Variants in EMC8 observed in about 807,000 individuals in gnomAD.
EMC8 encodes ER membrane protein complex subunit 8, also known as COX4 neighbor.
Under a neutral mutation model 24.3 loss-of-function variants are expected in EMC8, and 11 were observed. The ratio of observed to expected loss-of-function variants is 0.45; its 90% CI spans 0.28 to 0.75. The LOEUF (loss-of-function observed/expected upper bound fraction) is 0.75. EMC8 is among the 30% of genes least tolerant of loss of function. The probability of loss-of-function intolerance (pLI) is 0.12; values close to 1 mark genes in which losing one functional copy is unlikely to be tolerated. For missense variants in EMC8, 277 were observed against 282.7 expected, an observed-to-expected ratio of 0.98 and a Z score of 0.14; for synonymous variants, 145 against 117.7, an observed-to-expected ratio of 1.23 and a Z score of -1.50.
At chr16:85,791,805 C>T (rs891111709) in intron 1 of EMC8, among the ~76,000 whole-genome samples, 1 of 152,176 alleles carries the variant, frequency 6.6e-6, no homozygotes, top group Non-Finnish European at 1.5e-5. Context: ...GACCTTCCTG[C>T]CTCCCCTTTA....
At chr16:85,790,485 A>G (rs1380127592) in intron 1 of EMC8, among the ~76,000 whole-genome samples, 1 of 152,212 alleles carries the variant, frequency 6.6e-6, no homozygotes, top group Admixed American at 6.5e-5. Flanking sequence ...AACAACTCCA[A>G]AACGACTCAT....
intron 1 of EMC8, 107 bp downstream of exon 1, chr16:85,798,958 C>A: frequency 1.4e-6 from 1 of 737,632 alleles, no homozygotes; most frequent in Non-Finnish European, 2.2e-6. Context: ...CCCTAGGGAG[C>A]GGGTCCTAGG....
chr16:85,787,975 G>A (rs1451892871), intron 2 of EMC8, among the ~76,000 whole-genome samples: 3 of 152,158 alleles, frequency 2.0e-5, no homozygotes, highest in African/African-American at 7.2e-5. Flanking sequence ...CATCTGTGCT[G>A]AGCAAGTGGA....
chr16:85,799,208 G>A lies in EMC8; in HGVS notation c.88C>T (p.Leu30=). ...KYPHCAVNGL[L]VAEKQKPRKE... is the part of the protein sequence containing the mutation. ...CGCGGCTTCTGCTTCTCGGCCACCA[G>A]GAGCCCGTTGACGGCGCAGTGCGGG... The change falls in exon 1 of 5, where the codon CTG becomes TTG. Residue 30 remains leucine (L), a synonymous_variant. Coordinates refer to ENST00000253457, the MANE Select transcript of EMC8 (RefSeq NM_006067.5). The surrounding 1 kb of genome is among the most constrained non-coding windows in gnomAD (Gnocchi z 4.2). 4 of 1,613,472 alleles carry A rather than the reference G, an allele frequency of 2.5e-6. No individual in the cohort carries two copies. Among genetic ancestry groups the A allele is most frequent in the Non-Finnish European group, 3.4e-6 (4 of 1,179,892 alleles).
intron 1 of EMC8, among the ~76,000 whole-genome samples, chr16:85,798,065 G>C (rs571849755): frequency 6.7e-5 from 10 of 149,612 alleles, no homozygotes; most frequent in Non-Finnish European, 1.5e-4. Flanking sequence ...AAACATAAAA[G>C]CGTGTTGGAC....
intron 1 of EMC8, among the ~76,000 whole-genome samples, chr16:85,793,665 C>G (rs1354097542): frequency 2.6e-5 from 4 of 152,206 alleles, no homozygotes; most frequent in Non-Finnish European, 5.9e-5. Context: ...AGCAAGAATT[C>G]TAGCCTGAAA....
chr16:85,781,055 T>C (rs1904470832), intron 3 of EMC8, 156 bp downstream of exon 3: 1 of 609,662 alleles, frequency 1.6e-6, no homozygotes, highest in African/African-American at 1.8e-5. Context: ...GGGATTCAAC[T>C]GGTCTGCAGC....
Position 85,779,855 on chromosome 16 carries a change from T to G in EMC8, c.486A>C (p.Glu162Asp). The change falls in exon 5 of 5, where the codon GAA becomes GAC. Residue 162 changes from glutamate to aspartate, a missense_variant. By Grantham distance (45) the Glu-to-Asp change is conservative. Coordinates refer to ENST00000253457, the MANE Select transcript of EMC8 (RefSeq NM_006067.5). The stretch of plus-strand genomic sequence containing the variant: ...AGATCCTCTGTGCCTCTGGCCAGTC[T>G]TCACAGTAGTCACTACGGGTCAAAC... ...RCRDPHHDYCEDWPEAQRISA... is the reference protein window; with the variant it reads ...RCRDPHHDYCDDWPEAQRISA... 6.2e-7 allele frequency: 1 copy of G among 1,614,094 alleles called. No individual in the cohort carries two copies. The highest frequency in any genetic ancestry group is 8.5e-7 in the Non-Finnish European group (1 of 1,179,998).
chr16:85,782,663 C>A lies in EMC8; in HGVS notation c.309-1383G>T, dbSNP rs548893895. 2.6e-5 allele frequency among the ~76,000 whole-genome samples: 4 copies of A among 152,290 alleles called. No homozygotes were observed. The South Asian group carries it at 8.3e-4, about 32-fold the overall frequency. On this transcript the variant is annotated intron_variant, in intron 2 of 4. Transcript: ENST00000253457. ...GTCTTGCTCCATGTCCTCACCACAG[C>A]TCTGTGCAATCTGCCATCTAACCCA...
At chr16:85,787,190 C>G (rs1369071610) in intron 2 of EMC8, among the ~76,000 whole-genome samples, 1 of 152,242 alleles carries the variant, frequency 6.6e-6, no homozygotes, top group Non-Finnish European at 1.5e-5. Flanking sequence ...GGCACGGCCC[C>G]AGCCCTTGCC....
chr16:85,782,523 G>T lies in EMC8; in HGVS notation c.309-1243C>A, dbSNP rs180675696. 2.1e-4 allele frequency among the ~76,000 whole-genome samples: 32 copies of T among 152,234 alleles called. 1 individual carries two copies. Among genetic ancestry groups the T allele is most frequent in the Admixed American group, 1.7e-3 (26 of 15,292 alleles). ...GCCCCAGTTCTGCCTTCAAATCTGT[G>T]TAAGTCTTTATTTTCAGGGAAAAAC... On this transcript the variant is annotated intron_variant, in intron 2 of 4. Coordinates refer to ENST00000253457, the MANE Select transcript of EMC8 (RefSeq NM_006067.5).
At position 85,799,347 on chromosome 16, in the gene EMC8, C is replaced by G; in HGVS notation, c.-52G>C. The G allele has an allele frequency of 2.5e-6, 3 of 1,211,814 alleles. No homozygotes were observed. Among genetic ancestry groups the G allele is most frequent in the Non-Finnish European group, 3.3e-6 (3 of 902,276 alleles). The allele number at this position is 1,211,814 out of a possible 1,614,324, so 75.1% of individuals were successfully genotyped here. A position where few individuals can be genotyped will look rare whatever the true frequency, so the allele number is the denominator to read the frequency against. On this transcript the variant is annotated 5_prime_UTR_variant, in exon 1 of 5. Coordinates refer to ENST00000253457, the MANE Select transcript of EMC8 (RefSeq NM_006067.5). The surrounding 1 kb of genome is among the most constrained non-coding windows in gnomAD (Gnocchi z 4.2). Reference sequence around the variant, plus strand: ...CCTGGGCGCGCGGCTGAGGCCTGGACCCGCTGCCTGGCCGCGCGGCGCCTC... The same window carrying G: ...CCTGGGCGCGCGGCTGAGGCCTGGAGCCGCTGCCTGGCCGCGCGGCGCCTC...
chr16:85,778,634 C>A lies in EMC8; in HGVS notation c.*1074G>T, dbSNP rs1432308782. 1 of 152,170 alleles carries A rather than the reference C, an allele frequency of 6.6e-6. No individual in the cohort carries two copies. The highest frequency in any genetic ancestry group is 1.5e-5 in the Non-Finnish European group (1 of 68,036). The allele number at this position is 152,170 out of a possible 1,614,324, so 9.4% of individuals were successfully genotyped here. On this transcript the variant is annotated 3_prime_UTR_variant, in exon 5 of 5. Transcript: ENST00000253457. ...AAGGGGAAGAGAGAATTTGGTGGAT[C>A]AAATAAAGCACATTTATTGTAGCGA...
At chr16:85,788,352 A>C (rs1435846617) in intron 2 of EMC8, among the ~76,000 whole-genome samples, 2 of 152,246 alleles carry the variant, frequency 1.3e-5, no homozygotes, top group African/African-American at 4.8e-5. Flanking sequence ...TGCGTTATCT[A>C]CGGCCCAGGC....
intron 1 of EMC8, among the ~76,000 whole-genome samples, chr16:85,796,481 C>T (rs935201537): frequency 6.6e-6 from 1 of 152,290 alleles, no homozygotes; most frequent in East Asian, 1.9e-4. Flanking sequence ...CAGGCTGGGG[C>T]CATCACTCGA....
chr16:85,787,699 A>G (rs892453468), intron 2 of EMC8: 11 of 152,284 alleles, frequency 7.2e-5, no homozygotes, highest in African/African-American at 2.4e-4. Flanking sequence ...AGAAGAGCCA[A>G]TGTGCATGGG....
At chr16:85,796,189 C>A (rs573416735) in intron 1 of EMC8, among the ~76,000 whole-genome samples, 1 of 152,228 alleles carries the variant, frequency 6.6e-6, no homozygotes, top group South Asian at 2.1e-4. Flanking sequence ...ACTTAACATA[C>A]CCCAAACAGA....
intron 1 of EMC8, among the ~76,000 whole-genome samples, chr16:85,793,982 C>A (rs1259311851): frequency 1.3e-5 from 2 of 152,094 alleles, no homozygotes; most frequent in Non-Finnish European, 2.9e-5. Flanking sequence ...AATGAAAAGC[C>A]TTTCAAAGGA....
chr16:85,799,073 G>T lies in EMC8; in HGVS notation c.223C>A (p.Leu75Ile). ...LALAPMLEVA[L>I]TLIDSWCKDH... ...GCCCTTTCCGCGCTTACCAGGGTGAGAGCCACCTCCAGCATGGGGGCGAGG... is the reference window on the plus strand; with the variant it reads ...GCCCTTTCCGCGCTTACCAGGGTGATAGCCACCTCCAGCATGGGGGCGAGG... Residue 75 changes from leucine (L) to isoleucine (I), a missense_variant, in exon 1 of 5, where the codon CTC (leucine) becomes ATC (isoleucine). By Grantham distance (5) the Leu-to-Ile change is conservative. Transcript: ENST00000253457. This position sits in a 1 kb window ranked among gnomAD's most constrained non-coding sequence, Gnocchi z 4.2. 6.5e-7 allele frequency: 1 copy of T among 1,549,636 alleles called. No homozygotes were observed.
Sources: allele counts gnomAD v4.1 joint callset (sites outside exome capture counted in the v4.1 genomes callset), GRCh38; gene constraint gnomAD v4.1.1; non-coding constraint Gnocchi (gnomAD v3.1); transcripts MANE v1.5; gene names NCBI Gene and HGNC (gene_info 2026-07-23, HGNC 2026-07-21).